APBB2: variants seen among roughly 807,000 people sequenced by gnomAD.
The protein encoded by APBB2 is amyloid beta precursor protein binding family B member 2.
Under a neutral mutation model 82.5 loss-of-function variants are expected in APBB2, and 38 were observed. That is an observed-to-expected ratio of 0.46 (90% CI 0.36 to 0.60). The LOEUF is 0.60. Ranked by LOEUF, APBB2 falls within the 20% of genes least tolerant of loss-of-function variation. APBB2 has a pLI of 0.00. For missense variants in APBB2, 772 were observed against 972.3 expected, an observed-to-expected ratio of 0.79 and a Z score of 2.74; for synonymous variants, 341 against 368.2, an observed-to-expected ratio of 0.93 and a Z score of 0.85.
At chr4:41,181,942 C>CAAAAAAAAAAAAAAAA (rs35142945) in intron 1 of APBB2, among the ~76,000 whole-genome samples, 1 of 93,882 alleles carries the variant, frequency 1.1e-5, no homozygotes, top group Non-Finnish European at 2.3e-5. Flanking sequence ...GAAACTGTCT[C>CAAAAAAAAAAAAAAAA]AAAAAAAAAA....
intron 6 of APBB2, among the ~76,000 whole-genome samples, chr4:41,001,844 C>T (rs1379067428): frequency 6.6e-6 from 1 of 151,118 alleles, no homozygotes. Context: ...CGCCACTGCA[C>T]TCCAGCCTGG....
intron 12 of APBB2, among the ~76,000 whole-genome samples, chr4:40,889,337 C>A (rs187270869): frequency 6.6e-6 from 1 of 152,332 alleles, no homozygotes; most frequent in East Asian, 1.9e-4. Flanking sequence ...TAATGCCCAG[C>A]GTTGGTTGAC....
At chr4:40,961,467 G>A (rs1377428136) in intron 6 of APBB2, among the ~76,000 whole-genome samples, 4 of 123,196 alleles carry the variant, frequency 3.2e-5, no homozygotes, top group Non-Finnish European at 4.9e-5. Context: ...ACACAGGAAG[G>A]GGAATATCAC....
chr4:40,846,965 A>G (rs893639271), intron 12 of APBB2, among the ~76,000 whole-genome samples: 4 of 152,214 alleles, frequency 2.6e-5, no homozygotes, highest in Non-Finnish European at 5.9e-5. Flanking sequence ...ACCAAATGCA[A>G]AAATCTTGCA....
chr4:40,826,047 T>C lies in APBB2; in HGVS notation c.1733-77A>G. The stretch of plus-strand genomic sequence containing the variant: ...ACACAACAGCCGTGGCTCTGCATCA[T>C]CTGAATGCTCAGGACACGCCCTGTG... On this transcript the variant is annotated intron_variant, in intron 14 of 17. Coordinates refer to ENST00000508593, the MANE Select transcript of APBB2 (RefSeq NM_004307.2). This position sits in a 1 kb window ranked among gnomAD's most constrained non-coding sequence, Gnocchi z 4.5. 9.1e-7 allele frequency: 1 copy of C among 1,103,556 alleles called. No individual in the cohort carries two copies. The highest frequency in any genetic ancestry group is 1.2e-5 in the South Asian group (1 of 80,496). 68.4% of individuals were successfully genotyped at this position (1,103,556 alleles called of 1,614,324 possible).
chr4:40,924,403 T>C (rs1232644981), intron 10 of APBB2, among the ~76,000 whole-genome samples: 2 of 152,232 alleles, frequency 1.3e-5, no homozygotes, highest in East Asian at 3.8e-4. Flanking sequence ...GCGCTCCTTG[T>C]AACGTGAACT....
chr4:41,047,243 T>C (rs1024145536), intron 4 of APBB2, among the ~76,000 whole-genome samples: 1 of 152,250 alleles, frequency 6.6e-6, no homozygotes, highest in African/African-American at 2.4e-5. Flanking sequence ...TCTGTTCTCC[T>C]ATAAGGTCTA....
chr4:40,931,998 G>A (rs184146126), intron 10 of APBB2, among the ~76,000 whole-genome samples: 1 of 152,088 alleles, frequency 6.6e-6, no homozygotes, highest in African/African-American at 2.4e-5. Context: ...TAGACATGCT[G>A]GCAATAAAAA....
chr4:40,957,315 CA>C (rs1361329575), intron 6 of APBB2, among the ~76,000 whole-genome samples: 23 of 150,528 alleles, frequency 1.5e-4, no homozygotes, highest in Middle Eastern at 7.0e-3. Context: ...GCAACAATCA[CA>C]TTTTTTTTTA....
intron 10 of APBB2, among the ~76,000 whole-genome samples, chr4:40,908,433 G>A (rs1029739743): frequency 1.3e-5 from 2 of 152,134 alleles, no homozygotes; most frequent in African/African-American, 2.4e-5. Context: ...TCCTGTCACC[G>A]CGCCTTGCTG....
At chr4:40,916,312 A>AGAAAGAC (rs1560892984) in intron 10 of APBB2, among the ~76,000 whole-genome samples, 1 of 151,666 alleles carries the variant, frequency 6.6e-6, no homozygotes, top group Non-Finnish European at 1.5e-5. Context: ...GCTAGACCTG[A>AGAAAGAC]AGACAGACAG....
intron 12 of APBB2, among the ~76,000 whole-genome samples, chr4:40,831,923 C>T (rs1384825986): frequency 1.3e-5 from 2 of 151,700 alleles, no homozygotes; most frequent in Non-Finnish European, 2.9e-5. Flanking sequence ...CCATGCGATA[C>T]GACTGTATTT....
intron 3 of APBB2, among the ~76,000 whole-genome samples, chr4:41,074,759 G>A (rs140559129): frequency 0.074 from 11,285 of 151,776 alleles, 594 homozygotes; most frequent in Non-Finnish European, 0.11. Flanking sequence ...ACAGGCATCC[G>A]CCACCAGTCC....
At chr4:41,154,583 T>C (rs1305739503) in intron 1 of APBB2, among the ~76,000 whole-genome samples, 2 of 151,404 alleles carry the variant, frequency 1.3e-5, no homozygotes, top group African/African-American at 4.8e-5. Flanking sequence ...CTACAATTCC[T>C]GTCTCCCTGA....
At chr4:41,128,268 C>T (rs2154002449) in intron 2 of APBB2, among the ~76,000 whole-genome samples, 1 of 152,210 alleles carries the variant, frequency 6.6e-6, no homozygotes, top group Middle Eastern at 3.4e-3. Context: ...CAAAAAACAA[C>T]AGATGCTGGT....
intron 8 of APBB2, 60 bp downstream of exon 8, chr4:40,935,017 G>A (rs2154375569): frequency 1.5e-6 from 2 of 1,326,424 alleles, no homozygotes; most frequent in East Asian, 2.5e-5. Context: ...AAAATATACA[G>A]CCACAGCCAT....
intron 4 of APBB2, among the ~76,000 whole-genome samples, chr4:41,059,834 CTG>C (rs71648946): frequency 6.6e-6 from 1 of 151,832 alleles, no homozygotes; most frequent in African/African-American, 2.4e-5. Context: ...CTCTATATTT[CTG>C]TGTGTGTGTC....
intron 1 of APBB2, among the ~76,000 whole-genome samples, chr4:41,164,068 T>C (rs1401520655): frequency 1.3e-5 from 2 of 152,248 alleles, no homozygotes; most frequent in Non-Finnish European, 2.9e-5. Context: ...TTTGGAAATA[T>C]CTGCATAAGG....
At chr4:40,839,919 A>C (rs376670527) in intron 12 of APBB2, among the ~76,000 whole-genome samples, 5 of 152,030 alleles carry the variant, frequency 3.3e-5, no homozygotes, top group African/African-American at 9.6e-5. Context: ...CCCACCTCGG[A>C]CTCCCAAAGT....
Sources: allele counts gnomAD v4.1 joint callset (sites outside exome capture counted in the v4.1 genomes callset), GRCh38; gene constraint gnomAD v4.1.1; non-coding constraint Gnocchi (gnomAD v3.1); transcripts MANE v1.5; gene names NCBI Gene and HGNC (gene_info 2026-07-23, HGNC 2026-07-21).